GYG1: variants seen among roughly 807,000 people sequenced by gnomAD.
GYG1 encodes glycogenin 1.
Under a neutral mutation model 41.9 loss-of-function variants are expected in GYG1, and 44 were observed. The ratio of observed to expected loss-of-function variants is 1.05; its 90% confidence interval spans 0.83 to 1.35. The LOEUF is 1.35. GYG1 is among the 40% of genes most tolerant of loss of function. The pLI is 0.00. For synonymous variants in GYG1, 141 were observed against 158.1 expected, an observed-to-expected ratio of 0.89 and a Z score of 0.81; for missense variants, 429 against 418.9, an observed-to-expected ratio of 1.02 and a Z score of -0.21.
Position 149,024,288 on chromosome 3 carries a change from T to C in GYG1, c.828+16T>C, listed in dbSNP as rs773629131. 6 of 1,433,456 alleles carry C rather than the reference T, an allele frequency of 4.2e-6. No homozygotes were observed. Among genetic ancestry groups the C allele is most frequent in the African/African-American group, 2.8e-5 (2 of 71,348 alleles). The allele number at this position is 1,433,456 out of a possible 1,614,324, so 88.8% of individuals were successfully genotyped here. ...TGTAAATGTGGTAGGTTCTGTTTCT[T>C]TTCTTCAGATCATTTAATGCTGCTT... On this transcript the variant is annotated intron_variant, in intron 6 of 7. Coordinates refer to ENST00000345003, the MANE Select transcript of GYG1 (RefSeq NM_004130.4).
intron 5 of GYG1, among the ~76,000 whole-genome samples, chr3:149,021,400 G>C (rs1306526766): frequency 2.0e-5 from 3 of 152,200 alleles, no homozygotes; most frequent in African/African-American, 4.8e-5. Flanking sequence ...AAAATAAAGA[G>C]TAAGCTTGGG....
rs1714905752 is a variant in GYG1 at position 149,030,426 on chromosome 3, G to A, written c.*3493G>A. On this transcript the variant is annotated 3_prime_UTR_variant, in exon 8 of 8. Coordinates refer to ENST00000345003, the MANE Select transcript of GYG1 (RefSeq NM_004130.4). ...TAAACAACTTGCCAAACTTACTTAT[G>A]AGTGTGTTTTAAAAACAACTTTGTA... 1.3e-5 allele frequency: 2 copies of A among 151,830 alleles called. No homozygotes were observed. The highest frequency in any genetic ancestry group is 4.8e-5 in the African/African-American group (2 of 41,294). 9.4% of individuals were successfully genotyped at this position (151,830 alleles called of 1,614,324 possible).
At chr3:149,023,199 G>A (rs1400322633) in intron 5 of GYG1, among the ~76,000 whole-genome samples, 3 of 152,144 alleles carry the variant, frequency 2.0e-5, no homozygotes, top group African/African-American at 7.2e-5. Flanking sequence ...ACAGAAATAA[G>A]CAATGCTTCT....
At chr3:149,000,334 C>G (rs1428852124) in intron 4 of GYG1, among the ~76,000 whole-genome samples, 1 of 152,238 alleles carries the variant, frequency 6.6e-6, no homozygotes, top group African/African-American at 2.4e-5. Flanking sequence ...TACTTCATCA[C>G]TGTAATTACA....
intron 5 of GYG1, among the ~76,000 whole-genome samples, chr3:149,019,871 C>T (rs1714274476): frequency 6.6e-6 from 1 of 152,222 alleles, no homozygotes; most frequent in Non-Finnish European, 1.5e-5. Context: ...CTGCAGAATC[C>T]TCTTGAACCA....
intron 5 of GYG1, among the ~76,000 whole-genome samples, chr3:149,013,748 G>A (rs895903356): frequency 2.0e-5 from 3 of 151,888 alleles, no homozygotes; most frequent in East Asian, 1.9e-4. Context: ...GAATTCTATC[G>A]TCCCTGTGTA....
chr3:148,993,210 G>A (rs1049889781), intron 1 of GYG1, among the ~76,000 whole-genome samples: 8 of 151,776 alleles, frequency 5.3e-5, no homozygotes, highest in Non-Finnish European at 1.0e-4. Flanking sequence ...TAGGGGTCTT[G>A]GGAGGGTGGG....
intron 1 of GYG1, chr3:148,992,432 C>G (rs1712544790): frequency 6.6e-6 from 1 of 152,284 alleles, no homozygotes; most frequent in African/African-American, 2.4e-5. Flanking sequence ...AAACTCCTAC[C>G]CAGCTGTCAT....
intron 5 of GYG1, among the ~76,000 whole-genome samples, chr3:149,012,265 T>G (rs1713775323): frequency 6.6e-6 from 1 of 151,216 alleles, no homozygotes; most frequent in East Asian, 1.9e-4. Flanking sequence ...GAAGGCCCAC[T>G]CTTGGGTTCA....
intron 5 of GYG1, among the ~76,000 whole-genome samples, chr3:149,014,288 T>C (rs1713897440): frequency 6.6e-6 from 1 of 152,308 alleles, no homozygotes; most frequent in African/African-American, 2.4e-5. Context: ...TGCTGCATAT[T>C]CTGGTGCCTT....
intron 2 of GYG1, among the ~76,000 whole-genome samples, chr3:148,995,619 A>G (rs1712742602): frequency 6.6e-6 from 1 of 152,092 alleles, no homozygotes; most frequent in Non-Finnish European, 1.5e-5. Context: ...TCTCCTAACC[A>G]TTTCTCTTCA....
intron 3 of GYG1, 52 bp from the exon 4 acceptor site, chr3:148,996,690 G>A (rs1712812233): frequency 6.6e-7 from 1 of 1,526,554 alleles, no homozygotes. Flanking sequence ...ACTCAAGAAG[G>A]GTATTCTGCA....
At chr3:149,020,431 G>C (rs148525550) in intron 5 of GYG1, among the ~76,000 whole-genome samples, 1 of 152,252 alleles carries the variant, frequency 6.6e-6, no homozygotes, top group African/African-American at 2.4e-5. Context: ...TGGCTCTGCA[G>C]CCAGACTGCC....
Position 149,009,345 on chromosome 3 carries a change from C to T in GYG1, c.551C>T (p.Pro184Leu), listed in dbSNP as rs746196371. 5.8e-5 allele frequency: 93 copies of T among 1,611,328 alleles called. No individual in the cohort carries two copies. The highest frequency in any genetic ancestry group is 1.4e-4 in the South Asian group (13 of 91,036). Residue 184 changes from proline (P) to leucine (L), a missense_variant, in exon 5 of 8, where the codon CCG (proline) becomes CTG (leucine). Pro to Leu is a moderately conservative substitution (Grantham distance 98). Coordinates refer to ENST00000345003, the MANE Select transcript of GYG1 (RefSeq NM_004130.4). ...WATTDIRKHLPFIYNLSSISI... is the reference protein window; with the variant it reads ...WATTDIRKHLLFIYNLSSISI... The stretch of plus-strand genomic sequence containing the variant: ...ACAACAGATATCAGAAAACACCTGC[C>T]GTTTATTTATAACCTAAGCAGCATC...
At chr3:149,016,747 C>T (rs1714072234) in intron 5 of GYG1, among the ~76,000 whole-genome samples, 1 of 152,152 alleles carries the variant, frequency 6.6e-6, no homozygotes, top group Admixed American at 6.5e-5. Flanking sequence ...CATGATCAGG[C>T]CCACTCCTTG....
intron 4 of GYG1, chr3:149,001,139 G>A (rs1387465556): frequency 6.6e-6 from 1 of 152,154 alleles, no homozygotes; most frequent in Non-Finnish European, 1.5e-5. Context: ...AACCAAATGA[G>A]CTGAGAGATT....
intron 3 of GYG1, 130 bp downstream of exon 3, chr3:148,996,606 C>T (rs1712806873): frequency 8.3e-7 from 1 of 1,197,932 alleles, no homozygotes; most frequent in Non-Finnish European, 1.2e-6. Context: ...TGAAATATGT[C>T]AGGGGATGAA....
intron 5 of GYG1, among the ~76,000 whole-genome samples, chr3:149,011,174 C>T (rs1468726322): frequency 6.6e-6 from 1 of 152,158 alleles, no homozygotes; most frequent in Non-Finnish European, 1.5e-5. Context: ...GATTCACTGT[C>T]AAGGGAGGAA....
intron 5 of GYG1, among the ~76,000 whole-genome samples, chr3:149,018,652 C>T (rs980329543): frequency 1.4e-4 from 22 of 152,130 alleles, no homozygotes; most frequent in Admixed American, 6.5e-5. Flanking sequence ...CTAAACCTTC[C>T]GTGTTCAGTG....
Sources: allele counts gnomAD v4.1 joint callset (sites outside exome capture counted in the v4.1 genomes callset), GRCh38; gene constraint gnomAD v4.1.1; transcripts MANE v1.5; gene names NCBI Gene and HGNC (gene_info 2026-07-23, HGNC 2026-07-21).